Variants in TANC2 observed in about 807,000 individuals in gnomAD.
TANC2 encodes the protein protein TANC2.
A neutral mutation model predicts 210.5 loss-of-function variants in TANC2; 26 were observed. The observed-to-expected ratio is 0.12, with a 90% CI of 0.09 to 0.17. TANC2 has a LOEUF of 0.17. Among genes scored for constraint, TANC2 ranks in the 10% least tolerant of loss-of-function variants. The probability of loss-of-function intolerance (pLI) is 1.00; values close to 1 mark genes in which losing one functional copy is unlikely to be tolerated. For missense variants in TANC2, 2,129 were observed against 2,608.9 expected, an observed-to-expected ratio of 0.82 and a Z score of 4.01; for synonymous variants, 931 against 967.1, an observed-to-expected ratio of 0.96 and a Z score of 0.69.
intron 10 of TANC2, among the ~76,000 whole-genome samples, chr17:63,316,594 G>A (rs1234566302): frequency 2.0e-5 from 3 of 152,160 alleles, no homozygotes; most frequent in Non-Finnish European, 4.4e-5. Flanking sequence ...ATAAACATCC[G>A]TTGTTGAGAC....
chr17:62,988,152 T>C (rs1051388006), intron 1 of TANC2, among the ~76,000 whole-genome samples: 4 of 152,004 alleles, frequency 2.6e-5, no homozygotes, highest in Non-Finnish European at 4.4e-5. Context: ...TTTTGAGACA[T>C]AGTCTTGCTC....
chr17:63,186,663 G>A (rs1165540480), intron 5 of TANC2, among the ~76,000 whole-genome samples: 2 of 151,872 alleles, frequency 1.3e-5, no homozygotes, highest in African/African-American at 2.4e-5. Flanking sequence ...GGCTTTCTTC[G>A]AGTCTTCTAT....
intron 10 of TANC2, among the ~76,000 whole-genome samples, 188 bp from the exon 11 acceptor site, chr17:63,318,769 T>G (rs1310155873): frequency 6.6e-6 from 1 of 152,218 alleles, no homozygotes; most frequent in South Asian, 2.1e-4. Context: ...GTTTCCACTT[T>G]TGGCTATTAT....
chr17:63,288,200 C>G (rs2146398098), intron 9 of TANC2, among the ~76,000 whole-genome samples: 1 of 152,326 alleles, frequency 6.6e-6, no homozygotes, highest in East Asian at 1.9e-4. Context: ...TCCCAGAACT[C>G]TGTCCCTTGA....
chr17:63,027,439 T>A (rs1006155360), intron 2 of TANC2, among the ~76,000 whole-genome samples: 2 of 152,102 alleles, frequency 1.3e-5, no homozygotes, highest in Non-Finnish European at 2.9e-5. Flanking sequence ...GAACAATGTT[T>A]GTGCCAAATT....
In TANC2 at chr17:62,966,248, A is replaced by G. The variant is rs1188040259; in HGVS notation, c.-525A>G. Among the ~76,000 whole-genome samples, 1 of 145,292 alleles carries G rather than the reference A, an allele frequency of 6.9e-6. No individual in the cohort carries two copies. The highest frequency in any genetic ancestry group is 2.5e-5 in the African/African-American group (1 of 40,442). On this transcript the variant is annotated 5_prime_UTR_variant, in exon 1 of 28. Coordinates refer to ENST00000689528, the Ensembl canonical transcript of TANC2. This position sits in a 1 kb window ranked among gnomAD's most constrained non-coding sequence, Gnocchi z 5.1. Reference sequence around the variant, plus strand: ...CCCCAGCGCGGCGGCGGCGCTAGCGAGCGGCCGGCGGGGCGCGGGTTGCTG... The same window carrying G: ...CCCCAGCGCGGCGGCGGCGCTAGCGGGCGGCCGGCGGGGCGCGGGTTGCTG...
intron 8 of TANC2, among the ~76,000 whole-genome samples, chr17:63,247,540 TAG>T (rs773841813): frequency 2.0e-5 from 3 of 152,028 alleles, no homozygotes; most frequent in Non-Finnish European, 2.9e-5. Context: ...ATCTGTAGAC[TAG>T]ACCTTAATTG....
chr17:63,152,697 A>G (rs1387965493), intron 5 of TANC2: 2 of 152,156 alleles, frequency 1.3e-5, no homozygotes, highest in Non-Finnish European at 2.9e-5. Flanking sequence ...TTAGTGTTAT[A>G]AAGTAAAATA....
intron 12 of TANC2, among the ~76,000 whole-genome samples, chr17:63,349,540 G>A (rs964348878): frequency 1.3e-5 from 2 of 152,138 alleles, no homozygotes; most frequent in Non-Finnish European, 2.9e-5. Flanking sequence ...GGGCTGATTT[G>A]TAATATTTGC....
chr17:63,032,721 C>G (rs971020809), intron 2 of TANC2, among the ~76,000 whole-genome samples: 1 of 152,178 alleles, frequency 6.6e-6, no homozygotes, highest in African/African-American at 2.4e-5. Context: ...AAAAGAACAA[C>G]TTGTTCTATA....
chr17:63,045,157 T>C (rs921887151), intron 2 of TANC2, among the ~76,000 whole-genome samples: 1 of 152,224 alleles, frequency 6.6e-6, no homozygotes, highest in Non-Finnish European at 1.5e-5. Flanking sequence ...ACAGACGCAC[T>C]CATTTATTTA....
At chr17:63,410,443 C>CA (rs1262566214) in intron 21 of TANC2, among the ~76,000 whole-genome samples, 1 of 150,960 alleles carries the variant, frequency 6.6e-6, no homozygotes, top group Non-Finnish European at 1.5e-5. Context: ...GTCCTGGGCT[C>CA]AGTGTCCTCT....
intron 8 of TANC2, among the ~76,000 whole-genome samples, chr17:63,241,540 A>G (rs996731187): frequency 1.3e-5 from 2 of 152,184 alleles, no homozygotes; most frequent in Non-Finnish European, 2.9e-5. Context: ...ATTTATGGCT[A>G]CTTTGCTCTA....
At chr17:63,065,929 C>T (rs556960681) in intron 2 of TANC2, among the ~76,000 whole-genome samples, 142 of 152,120 alleles carry the variant, frequency 9.3e-4, no homozygotes, top group African/African-American at 2.2e-3. Flanking sequence ...CTTGCTCTGT[C>T]GCCCAGACTG....
intron 14 of TANC2, among the ~76,000 whole-genome samples, chr17:63,371,466 CA>C (rs535768676): frequency 0.045 from 4,542 of 100,754 alleles, 56 homozygotes; most frequent in South Asian, 0.056. Context: ...AATTCCGTCT[CA>C]AAAAAAAAAA....
chr17:63,047,967 G>A (rs2035443501), intron 2 of TANC2, among the ~76,000 whole-genome samples: 1 of 152,136 alleles, frequency 6.6e-6, no homozygotes, highest in Admixed American at 6.5e-5. Context: ...GAATTTTATG[G>A]TAGTAAACTG....
intron 9 of TANC2, among the ~76,000 whole-genome samples, chr17:63,291,854 A>G (rs1391294645): frequency 6.6e-6 from 1 of 152,208 alleles, no homozygotes; most frequent in Non-Finnish European, 1.5e-5. Context: ...GGAATGGGAA[A>G]AGAGGAAAGG....
chr17:63,033,847 G>C (rs553197779), intron 2 of TANC2, among the ~76,000 whole-genome samples: 1 of 152,280 alleles, frequency 6.6e-6, no homozygotes, highest in South Asian at 2.1e-4. Flanking sequence ...TGGAAGTCAT[G>C]ACCATCCAGT....
intron 15 of TANC2, among the ~76,000 whole-genome samples, 185 bp downstream of exon 15, chr17:63,380,011 T>A (rs1469829866): frequency 6.6e-6 from 1 of 152,180 alleles, no homozygotes; most frequent in Non-Finnish European, 1.5e-5. Flanking sequence ...CATCTCCCAG[T>A]GTAACTAACT....
Sources: gnomAD v4.1 joint callset for allele counts (sites outside exome capture counted in the v4.1 genomes callset) on GRCh38, gnomAD v4.1.1 for gene constraint, Gnocchi (gnomAD v3.1) non-coding constraint, MANE v1.5 for transcripts, NCBI Gene and HGNC (gene_info 2026-07-23, HGNC 2026-07-21) for gene names.